The following BZW1 variants were observed in gnomAD, a reference collection of about 807,000 sequenced individuals.
BZW1 encodes the protein eIF5-mimic protein 2.
Under a neutral mutation model 54.1 loss-of-function variants are expected in BZW1, and 3 were observed. The observed-to-expected ratio is 0.06, with a 90% CI of 0.03 to 0.14. The LOEUF (loss-of-function observed/expected upper bound fraction) is 0.14. Among genes scored for constraint, BZW1 ranks in the 10% least tolerant of loss-of-function variants. BZW1 has a pLI of 1.00. For synonymous variants in BZW1, 152 were observed against 162.7 expected, an observed-to-expected ratio of 0.93 and a Z score of 0.50; for missense variants, 206 against 491.7, an observed-to-expected ratio of 0.42 and a Z score of 5.50.
rs1559318394 is a variant in BZW1 at position 200,826,407 on chromosome 2, A to AGATAGATATTTTTTTT, written c.*4229_*4230insGATAGATATTTTTTTT. 1.8e-5 allele frequency: 1 copy of AGATAGATATTTTTTTT among 54,946 alleles called. No individual in the cohort carries two copies. The highest frequency in any genetic ancestry group is 3.3e-5 in the Non-Finnish European group (1 of 30,420). 3.4% of individuals were successfully genotyped at this position (54,946 alleles called of 1,614,324 possible). ...TAGATAGATAGATAGATAGATAGATATTTTTTTTTTTTTTTTTTTTTTTTT... is the reference window on the plus strand; with the variant it reads ...TAGATAGATAGATAGATAGATAGATAGATAGATATTTTTTTTTTTTTTTTTTTTTTTTTTTTTTTTT... On this transcript the variant is annotated 3_prime_UTR_variant, in exon 12 of 12. Coordinates refer to ENST00000409600, the MANE Select transcript of BZW1 (RefSeq NM_001207067.2).
chr2:200,817,482 A>G (rs893876961), intron 6 of BZW1, among the ~76,000 whole-genome samples: 1 of 152,218 alleles, frequency 6.6e-6, no homozygotes, highest in Non-Finnish European at 1.5e-5. Context: ...ATGTAATAAA[A>G]ATAAAATGAG....
In BZW1 at chr2:200,813,296, T is replaced by G; in HGVS notation, c.64+15T>G. The G allele has an allele frequency of 6.2e-7, 1 of 1,603,898 alleles. No individual in the cohort carries two copies. Among genetic ancestry groups the G allele is most frequent in the Non-Finnish European group, 8.5e-7 (1 of 1,171,618 alleles). ...TAGAAAAAGAGGTAAATATTTACGT[T>G]TTAATGTCTCTCTTCAAACCTCCAG... On this transcript the variant is annotated intron_variant, in intron 2 of 11. Coordinates refer to ENST00000409600, the MANE Select transcript of BZW1 (RefSeq NM_001207067.2).
Position 200,822,121 on chromosome 2 carries a change from T to A in BZW1, c.1229-26T>A, listed in dbSNP as rs755964105. 3.1e-6 allele frequency: 5 copies of A among 1,592,828 alleles called. No individual in the cohort carries two copies. The African/African-American group carries it at 4.0e-5, about 13-fold the overall frequency. On this transcript the variant is annotated intron_variant, in intron 11 of 11. Coordinates refer to ENST00000409600, the MANE Select transcript of BZW1 (RefSeq NM_001207067.2). The stretch of plus-strand genomic sequence containing the variant: ...ACTTTTGCCTTCTGATACATAATGT[T>A]TGACTGTTTTTTTCCCCTTTTCTAG...
chr2:200,815,850 G>A, intron 4 of BZW1, 89 bp downstream of exon 4: 1 of 1,245,914 alleles, frequency 8.0e-7, no homozygotes, highest in South Asian at 1.6e-5. Context: ...GTTGTGGTTA[G>A]AAAGTTGAAG....
intron 6 of BZW1, 111 bp downstream of exon 6, chr2:200,817,352 C>G (rs2038332878): frequency 7.5e-7 from 1 of 1,337,452 alleles, no homozygotes; most frequent in South Asian, 1.4e-5. Context: ...ATTAACCAGC[C>G]TTAAATTTAA....
At chr2:200,817,641 CT>C (rs34172011) in intron 6 of BZW1, among the ~76,000 whole-genome samples, 96,622 of 149,008 alleles carry the variant, frequency 0.65, 31,532 homozygotes, top group Non-Finnish European at 0.72. Context: ...TTTTTTGAAG[CT>C]TTTTTTTTTT....
At chr2:200,815,083 G>A (rs1575050061) in intron 2 of BZW1, among the ~76,000 whole-genome samples, 1 of 152,354 alleles carries the variant, frequency 6.6e-6, no homozygotes, top group East Asian at 1.9e-4. Flanking sequence ...GGCAGTAGGA[G>A]GGCGTTCCCA....
chr2:200,820,509 A>C (rs537646489), intron 10 of BZW1, among the ~76,000 whole-genome samples: 1 of 152,178 alleles, frequency 6.6e-6, no homozygotes, highest in African/African-American at 2.4e-5. Context: ...AGGAGACCTC[A>C]TCTCTACAAA....
intron 3 of BZW1, 40 bp downstream of exon 3, chr2:200,815,557 G>T: frequency 1.2e-6 from 2 of 1,610,190 alleles, no homozygotes; most frequent in South Asian, 2.2e-5. Context: ...ATTTAGAAAG[G>T]TATAATATAT....
In BZW1 at chr2:200,813,199, C is replaced by G. The variant is rs888173482; in HGVS notation, c.-10-9C>G. On this transcript the variant is annotated splice_polypyrimidine_tract_variant and intron_variant, in intron 1 of 11. Transcript: ENST00000409600. The stretch of plus-strand genomic sequence containing the variant: ...CACTGATATTAAGGCTTTATTTCTC[C>G]TTTCCTAGGGTGTCTTTTATGAATA... 1 of 1,610,794 alleles carries G rather than the reference C, an allele frequency of 6.2e-7. No homozygotes were observed. The highest frequency in any genetic ancestry group is 1.3e-5 in the African/African-American group (1 of 74,824).
In BZW1 at chr2:200,823,869, T is replaced by C. The variant is rs2038618225; in HGVS notation, c.*1691T>C. On this transcript the variant is annotated 3_prime_UTR_variant, in exon 12 of 12. Transcript: ENST00000409600. Reference sequence around the variant, plus strand: ...ATACATCAGTCTTTTTTTTTTTAAATTCCATGTTAATACCTAGTGGTATTG... The same window carrying C: ...ATACATCAGTCTTTTTTTTTTTAAACTCCATGTTAATACCTAGTGGTATTG... 3 of 152,488 alleles carry C rather than the reference T, an allele frequency of 2.0e-5. No individual in the cohort carries two copies. 9.4% of individuals were successfully genotyped at this position (152,488 alleles called of 1,614,324 possible).
chr2:200,816,252 C>T (rs980491048), intron 4 of BZW1, 73 bp from the exon 5 acceptor site: 10 of 1,080,002 alleles, frequency 9.3e-6, no homozygotes, highest in African/African-American at 7.9e-5. Flanking sequence ...AAACTTACAT[C>T]GAGTGAAAGG....
At chr2:200,816,874 A>C (rs2038315010) in intron 5 of BZW1, among the ~76,000 whole-genome samples, 2 of 152,214 alleles carry the variant, frequency 1.3e-5, no homozygotes, top group African/African-American at 4.8e-5. Flanking sequence ...CTCAATGTTT[A>C]TAAAAACCCT....
chr2:200,813,135 C>G lies in BZW1; in HGVS notation c.-10-73C>G, dbSNP rs1023134781. 36 of 1,289,940 alleles carry G rather than the reference C, an allele frequency of 2.8e-5. No individual in the cohort carries two copies. The African/African-American group carries it at 5.0e-4, about 18-fold the overall frequency. 79.9% of individuals were successfully genotyped at this position (1,289,940 alleles called of 1,614,324 possible). On this transcript the variant is annotated intron_variant, in intron 1 of 11. Transcript: ENST00000409600. ...TCCATTTGATTCATATGTGACTAGA[C>G]TAAGGTTTGATGTTTTGCTTTAAAA... is the stretch of plus-strand genomic sequence containing the variant.
intron 4 of BZW1, 111 bp downstream of exon 4, chr2:200,815,872 T>A: frequency 9.2e-7 from 1 of 1,085,532 alleles, no homozygotes; most frequent in Non-Finnish European, 1.3e-6. Context: ...AATTTGATTT[T>A]AAATTTTAGG....
rs746085662 is a variant in BZW1, at chr2:200,820,163, C to T, written c.1105+43C>T. On this transcript the variant is annotated intron_variant, in intron 10 of 11. Transcript: ENST00000409600. The stretch of plus-strand genomic sequence containing the variant: ...TTTTGTAAATAACACTTAATAAAAA[C>T]CCTTATAAACACAAAATTATCCAAA... 50 of 1,433,754 alleles carry T rather than the reference C, an allele frequency of 3.5e-5. No homozygotes were observed. The African/African-American group carries it at 6.4e-4, about 18-fold the overall frequency. The allele number at this position is 1,433,754 out of a possible 1,614,324, so 88.8% of individuals were successfully genotyped here.
rs372567667 is a variant in BZW1 at position 200,818,476 on chromosome 2, G to A, written c.819+83G>A. The A allele has an allele frequency of 1.6e-4, 228 of 1,455,466 alleles. No individual in the cohort carries two copies. In the African/African-American group the frequency reaches 2.7e-3, roughly 17 times the overall value. The allele number at this position is 1,455,466 out of a possible 1,614,324, so 90.2% of individuals were successfully genotyped here. On this transcript the variant is annotated intron_variant, in intron 8 of 11. Coordinates refer to ENST00000409600, the MANE Select transcript of BZW1 (RefSeq NM_001207067.2). Reference sequence around the variant, plus strand: ...CTAATTTGAGGAACTTACTTCACCAGGATGAGATTGAGTTAATAGTAACAG... The same window carrying A: ...CTAATTTGAGGAACTTACTTCACCAAGATGAGATTGAGTTAATAGTAACAG...
At chr2:200,818,693 A>T in intron 8 of BZW1, 62 bp from the exon 9 acceptor site, 2 of 1,518,116 alleles carry the variant, frequency 1.3e-6, no homozygotes, top group Non-Finnish European at 1.8e-6. Flanking sequence ...TCTAAACTTG[A>T]TGTGTGAAGT....
At chr2:200,819,381 C>T (rs1199195583) in intron 9 of BZW1, among the ~76,000 whole-genome samples, 1 of 151,720 alleles carries the variant, frequency 6.6e-6, no homozygotes, top group African/African-American at 2.4e-5. Flanking sequence ...AGGGTGAGAT[C>T]CTGCCTCAAA....
Sources: allele counts gnomAD v4.1 joint callset (sites outside exome capture counted in the v4.1 genomes callset), GRCh38; gene constraint gnomAD v4.1.1; transcripts MANE v1.5; gene names NCBI Gene and HGNC (gene_info 2026-07-23, HGNC 2026-07-21).